PPARGC1A: variants seen among roughly 807,000 people sequenced by gnomAD.
PPARGC1A encodes the protein PPARG coactivator 1 alpha.
PPARGC1A carries 25 observed loss-of-function variants against 88.7 expected under a neutral mutation model. That is an observed-to-expected ratio of 0.28 (90% CI 0.21 to 0.39). The LOEUF is 0.39. PPARGC1A is among the 10% of genes least tolerant of loss of function. The probability of loss-of-function intolerance (pLI) is 1.00; values close to 1 mark genes in which losing one functional copy is unlikely to be tolerated. For missense variants in PPARGC1A, 880 were observed against 968.7 expected (o/e 0.91, Z 1.22); for synonymous variants, 363 against 355.6 (o/e 1.02, Z -0.24).
At chr4:24,370,659 T>C in the PPARGC1A span, among the ~76,000 whole-genome samples, 1 of 146,236 alleles carries the variant, frequency 6.8e-6, no homozygotes, top group African/African-American at 2.5e-5. Flanking sequence ...TCCAGACTCC[T>C]AAACAGATCA....
the PPARGC1A span, among the ~76,000 whole-genome samples, chr4:24,470,277 G>GACACACAGACACACACACACACACAC: frequency 9.0e-6 from 1 of 110,676 alleles, no homozygotes; most frequent in Non-Finnish European, 1.9e-5. This position sits in a 1 kb window ranked among gnomAD's most constrained non-coding sequence, Gnocchi z 5.8. Context: ...GACAGACACA[G>GACACACAGACACACACACACACACAC]ACACACACAC....
chr4:23,923,116 GTTTTTT>G, the PPARGC1A span, among the ~76,000 whole-genome samples: 9 of 131,690 alleles, frequency 6.8e-5, no homozygotes, highest in South Asian at 4.6e-4. Context: ...TTTGTTGCTT[GTTTTTT>G]TTTTTTTTTT....
chr4:24,417,029 C>CA, the PPARGC1A span, among the ~76,000 whole-genome samples: 61,107 of 123,472 alleles, frequency 0.49, 13,521 homozygotes, highest in African/African-American at 0.53. Flanking sequence ...GATTCCATCT[C>CA]AAAAAAAAAA....
the PPARGC1A span, among the ~76,000 whole-genome samples, chr4:24,445,377 A>G: frequency 6.6e-6 from 1 of 152,238 alleles, no homozygotes; most frequent in Non-Finnish European, 1.5e-5. Flanking sequence ...GGCTGTGTGG[A>G]TACAAAATCG....
chr4:23,884,769 G>A lies in PPARGC1A; in HGVS notation c.217C>T (p.Pro73Ser). 1.2e-6 allele frequency: 2 copies of A among 1,610,438 alleles called. No individual in the cohort carries two copies. Among genetic ancestry groups the A allele is most frequent in the Non-Finnish European group, 1.7e-6 (2 of 1,178,250 alleles). The change falls in exon 2 of 13, where the codon CCT becomes TCT. Residue 73 changes from proline to serine, a missense_variant. Transcript: ENST00000264867. ...GTCCTTACCTCAAATATGTTTGAAGGCTCATTGTTGTACTGATTGGATATT... is the reference window on the plus strand; with the variant it reads ...GTCCTTACCTCAAATATGTTTGAAGACTCATTGTTGTACTGATTGGATATT... ...EIISNQYNNE[P>S]SNIFEKIDEE...
Position 23,813,966 on chromosome 4 carries a change from G to A in PPARGC1A, c.1517C>T (p.Ala506Val), listed in dbSNP as rs1721443056. Reference sequence around the variant, plus strand: ...GCTGTCATCAAACAGGCCATCCATGGCTAGTCCTGAATTTATAAACATAGG... The same window carrying A: ...GCTGTCATCAAACAGGCCATCCATGACTAGTCCTGAATTTATAAACATAGG... ...KLPMFINSGL[A>V]MDGLFDDSED... is the part of the protein sequence containing the mutation. The change falls in exon 8 of 13, where the codon GCC becomes GTC. Residue 506 changes from alanine to valine, a missense_variant. Ala to Val is a moderately conservative substitution (Grantham distance 64). Coordinates refer to ENST00000264867, the MANE Select transcript of PPARGC1A (RefSeq NM_013261.5). 1 of 1,614,074 alleles carries A rather than the reference G, an allele frequency of 6.2e-7. No homozygotes were observed. Among genetic ancestry groups the A allele is most frequent in the Non-Finnish European group, 8.5e-7 (1 of 1,179,972 alleles).
chr4:23,990,120 CATTATAT>C, the PPARGC1A span, among the ~76,000 whole-genome samples: 4 of 144,210 alleles, frequency 2.8e-5, no homozygotes, highest in African/African-American at 1.0e-4. Context: ...ATATAATATA[CATTATAT>C]ATTATTAATT....
chr4:24,175,360 T>G, the PPARGC1A span, among the ~76,000 whole-genome samples: 3 of 149,982 alleles, frequency 2.0e-5, no homozygotes, highest in African/African-American at 7.4e-5. Context: ...TTGTTTTTTT[T>G]TTTCTCTTTG....
At chr4:23,926,381 C>A in the PPARGC1A span, among the ~76,000 whole-genome samples, 7 of 152,106 alleles carry the variant, frequency 4.6e-5, no homozygotes, top group Non-Finnish European at 1.0e-4. Context: ...TACACTCATC[C>A]CCTTCAATCT....
chr4:24,159,129 T>A, the PPARGC1A span, among the ~76,000 whole-genome samples: 7 of 151,810 alleles, frequency 4.6e-5, no homozygotes, highest in Admixed American at 4.6e-4. Context: ...TATTTGTTAA[T>A]CCTTACAATC....
rs138978613 is a variant in PPARGC1A, at chr4:23,802,081, T to A, written c.2141+143A>T. On this transcript the variant is annotated intron_variant, in intron 11 of 12. Transcript: ENST00000264867. Reference sequence around the variant, plus strand: ...AACTAGAAAGATTAATAAACAGGGATGAAAGAAAATAAATAAGGTTCTGAA... The same window carrying A: ...AACTAGAAAGATTAATAAACAGGGAAGAAAGAAAATAAATAAGGTTCTGAA... The A allele has an allele frequency of 1.9e-5, 25 of 1,315,890 alleles. No homozygotes were observed. In the East Asian group the frequency reaches 5.8e-4, roughly 30 times the overall value. The allele number at this position is 1,315,890 out of a possible 1,614,324, so 81.5% of individuals were successfully genotyped here.
At chr4:23,813,153 G>C (rs746567544) in intron 8 of PPARGC1A, 28 bp from the exon 9 acceptor site, 24 of 1,604,298 alleles carry the variant, frequency 1.5e-5, no homozygotes, top group Non-Finnish European at 2.0e-5. Flanking sequence ...AGCAAAAAGG[G>C]CATTTGCAAC....
chr4:24,446,428 G>A, the PPARGC1A span, among the ~76,000 whole-genome samples: 1 of 151,850 alleles, frequency 6.6e-6, no homozygotes. Flanking sequence ...TAGGATTATT[G>A]GGTCTTTTGC....
At chr4:24,005,917 C>A in the PPARGC1A span, among the ~76,000 whole-genome samples, 1 of 152,152 alleles carries the variant, frequency 6.6e-6, no homozygotes, top group East Asian at 1.9e-4. Context: ...ACATGTAATG[C>A]ACTGAGCCTC....
chr4:23,915,187 T>C, the PPARGC1A span, among the ~76,000 whole-genome samples: 2 of 152,178 alleles, frequency 1.3e-5, no homozygotes, highest in African/African-American at 4.8e-5. Context: ...AAATGGGATT[T>C]TTGGTTACAT....
At chr4:24,299,011 T>G in the PPARGC1A span, among the ~76,000 whole-genome samples, 1 of 152,164 alleles carries the variant, frequency 6.6e-6, no homozygotes, top group Non-Finnish European at 1.5e-5. Context: ...ACTGGTGGAC[T>G]GAGTGGTAAC....
the PPARGC1A span, among the ~76,000 whole-genome samples, chr4:24,018,372 T>A: frequency 6.6e-6 from 1 of 152,198 alleles, no homozygotes; most frequent in Non-Finnish European, 1.5e-5. Context: ...TCTATCCAGA[T>A]AAGTCATATT....
At chr4:24,210,780 C>A in the PPARGC1A span, among the ~76,000 whole-genome samples, 2 of 152,194 alleles carry the variant, frequency 1.3e-5, no homozygotes, top group Non-Finnish European at 2.9e-5. Flanking sequence ...TGTGTTCATG[C>A]AAGCACTCTC....
the PPARGC1A span, among the ~76,000 whole-genome samples, chr4:24,165,182 A>T: frequency 1.4e-3 from 213 of 152,266 alleles, no homozygotes; most frequent in African/African-American, 4.5e-3. Flanking sequence ...TTAAATTCCA[A>T]AAATTAAAAA....
Sources: gnomAD v4.1 joint callset for allele counts (sites outside exome capture counted in the v4.1 genomes callset) on GRCh38, gnomAD v4.1.1 for gene constraint, Gnocchi (gnomAD v3.1) non-coding constraint, MANE v1.5 for transcripts, NCBI Gene and HGNC (gene_info 2026-07-23, HGNC 2026-07-21) for gene names.